Variants in PIK3R5 observed in about 807,000 individuals in gnomAD.
PIK3R5 encodes the protein phosphoinositide-3-kinase regulatory subunit 5.
A neutral mutation model predicts 94.9 loss-of-function variants in PIK3R5; 32 were observed. That is an observed-to-expected ratio of 0.34 (90% CI 0.25 to 0.45). The LOEUF is 0.45. Ranked by LOEUF, PIK3R5 falls within the 20% of genes least tolerant of loss-of-function variation. The probability of loss-of-function intolerance (pLI) is 1.00; values close to 1 mark genes in which losing one functional copy is unlikely to be tolerated. For missense variants in PIK3R5, 853 were observed against 1,144.6 expected (o/e 0.75, Z 3.68); for synonymous variants, 443 against 479.4 (o/e 0.92, Z 0.99).
chr17:8,901,809 A>C (rs1259180806), intron 5 of PIK3R5, among the ~76,000 whole-genome samples: 1 of 152,126 alleles, frequency 6.6e-6, no homozygotes, highest in Non-Finnish European at 1.5e-5. Flanking sequence ...ATTCCACCAA[A>C]TGACTTTGCC....
At chr17:8,959,423 G>A (rs935089303) in intron 1 of PIK3R5, among the ~76,000 whole-genome samples, 1 of 149,254 alleles carries the variant, frequency 6.7e-6, no homozygotes, top group Non-Finnish European at 1.5e-5. Flanking sequence ...GAGAGACTGT[G>A]TGTGTGTGTG....
At chr17:8,950,032 C>G (rs945690521) in intron 1 of PIK3R5, among the ~76,000 whole-genome samples, 1 of 152,168 alleles carries the variant, frequency 6.6e-6, no homozygotes, top group African/African-American at 2.4e-5. Context: ...GATCCAGGAA[C>G]CACCAGCAGC....
At chr17:8,885,783 C>T (rs1211693318) in intron 14 of PIK3R5, among the ~76,000 whole-genome samples, 2 of 117,518 alleles carry the variant, frequency 1.7e-5, no homozygotes, top group Non-Finnish European at 3.4e-5. Context: ...ATGGCCCCGC[C>T]TCCTGGGTAA....
chr17:8,934,711 C>T (rs892682293), intron 1 of PIK3R5, among the ~76,000 whole-genome samples: 11 of 152,142 alleles, frequency 7.2e-5, no homozygotes, highest in Non-Finnish European at 1.0e-4. Context: ...TTTAAGCACA[C>T]GTAGATCAAC....
rs1441346274 is a variant in PIK3R5 at position 8,914,627 on chromosome 17, C to T, written c.-13-3120G>A. Among the ~76,000 whole-genome samples, 3 of 152,218 alleles carry T rather than the reference C, an allele frequency of 2.0e-5. No homozygotes were observed. The East Asian group carries it at 5.8e-4, about 29-fold the overall frequency. On this transcript the variant is annotated intron_variant, in intron 1 of 18. Transcript: ENST00000447110. The stretch of plus-strand genomic sequence containing the variant: ...AGAAGTCCTGACACAGACTGGGATG[C>T]CCAAAGCTGAGGATGCTGCCCTTTG...
At chr17:8,891,040 C>T (rs532073169) in intron 6 of PIK3R5, 128 bp from the exon 7 acceptor site, 5 of 863,954 alleles carry the variant, frequency 5.8e-6, no homozygotes, top group African/African-American at 5.0e-5. Flanking sequence ...AGGCAGAGCT[C>T]GAGGAGGTGA....
chr17:8,889,784 C>T lies in PIK3R5; in HGVS notation c.811+189G>A, dbSNP rs2089976925. On this transcript the variant is annotated intron_variant, in intron 8 of 18. Coordinates refer to ENST00000447110, the MANE Select transcript of PIK3R5 (RefSeq NM_001142633.3). The surrounding 1 kb of genome is among the most constrained non-coding windows in gnomAD (Gnocchi z 4.1). ...CCCACAAGCTGCCATCATGATAGCA[C>T]CCCCACCCTGCCCCTATAGACAGGA... Among the ~76,000 whole-genome samples, 1 of 152,122 alleles carries T rather than the reference C, an allele frequency of 6.6e-6. No homozygotes were observed. The highest frequency in any genetic ancestry group is 2.4e-5 in the African/African-American group (1 of 41,410).
At chr17:8,885,151 G>GCT (rs2089787123) in intron 14 of PIK3R5, 1 of 261,754 alleles carries the variant, frequency 3.8e-6, no homozygotes, top group African/African-American at 2.3e-5. Context: ...CCACCTCCTG[G>GCT]GTAACCCTGC....
intron 1 of PIK3R5, among the ~76,000 whole-genome samples, chr17:8,952,263 G>A (rs2091389328): frequency 6.6e-6 from 1 of 152,224 alleles, no homozygotes; most frequent in Non-Finnish European, 1.5e-5. Context: ...GAAACCAGTA[G>A]ACCAACTAAT....
Position 8,945,448 on chromosome 17 carries a change from G to T in PIK3R5, c.-14+20148C>A, listed in dbSNP as rs2091256264. 6.6e-6 allele frequency among the ~76,000 whole-genome samples: 1 copy of T among 152,212 alleles called. No homozygotes were observed. Among genetic ancestry groups the T allele is most frequent in the South Asian group, 2.1e-4 (1 of 4,832 alleles). On this transcript the variant is annotated intron_variant, in intron 1 of 18. Coordinates refer to ENST00000447110, the MANE Select transcript of PIK3R5 (RefSeq NM_001142633.3). The surrounding 1 kb of genome is among the most constrained non-coding windows in gnomAD (Gnocchi z 4.0). ...CAGCCCCTTGGCTACTCCTTCATAAGCGAGGCTTCACTGGTGACCCAGAGA... is the reference window on the plus strand; with the variant it reads ...CAGCCCCTTGGCTACTCCTTCATAATCGAGGCTTCACTGGTGACCCAGAGA...
rs71135929 is a variant in PIK3R5 at position 8,888,002 on chromosome 17, A to AAATAATAATAAT, written c.1616+157_1616+168dup. On this transcript the variant is annotated intron_variant, in intron 10 of 18. Transcript: ENST00000447110. This position sits in a 1 kb window ranked among gnomAD's most constrained non-coding sequence, Gnocchi z 7.8. ...GGCAACAGAGCAAGACTCTGTCTCAAAATAATAATAATAATAATAATAATA... is the reference window on the plus strand; with the variant it reads ...GGCAACAGAGCAAGACTCTGTCTCAAAATAATAATAATAATAATAATAATAATAATAATAATA... Among the ~76,000 whole-genome samples the AAATAATAATAAT allele has an allele frequency of 3.9e-5, 5 of 129,528 alleles. No homozygotes were observed. Among genetic ancestry groups the AAATAATAATAAT allele is most frequent in the East Asian group, 2.2e-4 (1 of 4,494 alleles). 85.0% of individuals were successfully genotyped at this position (129,528 alleles called of 152,430 possible).
At chr17:8,918,166 A>G (rs186929652) in intron 1 of PIK3R5, among the ~76,000 whole-genome samples, 537 of 152,352 alleles carry the variant, frequency 3.5e-3, no homozygotes, top group African/African-American at 0.012. Context: ...CCCAGAGGCA[A>G]TGACATCCCA....
intron 1 of PIK3R5, among the ~76,000 whole-genome samples, chr17:8,913,477 T>C (rs552534930): frequency 2.4e-3 from 358 of 152,256 alleles, no homozygotes; most frequent in Non-Finnish European, 3.0e-3. Context: ...GAGGCCAAGG[T>C]GGGCGGATCA....
chr17:8,965,283 T>C (rs1404846726), intron 1 of PIK3R5, among the ~76,000 whole-genome samples: 1 of 152,150 alleles, frequency 6.6e-6, no homozygotes, highest in Non-Finnish European at 1.5e-5. Flanking sequence ...ACACAGGGCG[T>C]CCTGTGTCAG....
rs148682506 is a variant in PIK3R5 at position 8,900,751 on chromosome 17, G to A, written c.412+4026C>T. ...ATTCCAGGGCCAGGGCCTCACCACC[G>A]CCAGCACCTCCGTGGCACATCTGCT... On this transcript the variant is annotated intron_variant, in intron 5 of 18. Coordinates refer to ENST00000447110, the MANE Select transcript of PIK3R5 (RefSeq NM_001142633.3). Among the ~76,000 whole-genome samples, 6 of 152,202 alleles carry A rather than the reference G, an allele frequency of 3.9e-5. 1 individual carries two copies. In the South Asian group the frequency reaches 6.2e-4, roughly 16 times the overall value.
At chr17:8,960,284 T>C (rs924479940) in intron 1 of PIK3R5, among the ~76,000 whole-genome samples, 1 of 152,218 alleles carries the variant, frequency 6.6e-6, no homozygotes, top group Admixed American at 6.5e-5. Flanking sequence ...CTCTTTTACT[T>C]TATATCTTTC....
At chr17:8,964,463 C>A (rs2091628817) in intron 1 of PIK3R5, among the ~76,000 whole-genome samples, 1 of 152,132 alleles carries the variant, frequency 6.6e-6, no homozygotes, top group African/African-American at 2.4e-5. Context: ...AATCAGGAGA[C>A]TGAGGCTGGG....
intron 1 of PIK3R5, among the ~76,000 whole-genome samples, chr17:8,949,184 T>G (rs1164837648): frequency 6.6e-6 from 1 of 152,180 alleles, no homozygotes; most frequent in Admixed American, 6.5e-5. Flanking sequence ...TGGGCTGGCA[T>G]GGTAGACTGT....
At chr17:8,963,935 T>C (rs1209473016) in intron 1 of PIK3R5, among the ~76,000 whole-genome samples, 1 of 151,904 alleles carries the variant, frequency 6.6e-6, no homozygotes, top group Non-Finnish European at 1.5e-5. Flanking sequence ...AGCAAGAAAG[T>C]AGCTTGACCA....
Sources: gnomAD v4.1 joint callset for allele counts (sites outside exome capture counted in the v4.1 genomes callset) on GRCh38, gnomAD v4.1.1 for gene constraint, Gnocchi (gnomAD v3.1) non-coding constraint, MANE v1.5 for transcripts, NCBI Gene and HGNC (gene_info 2026-07-23, HGNC 2026-07-21) for gene names.